Variants in AUTS2 observed in about 807,000 individuals in gnomAD.
The protein encoded by AUTS2 is activator of transcription and developmental regulator AUTS2.
A neutral mutation model predicts 112.4 loss-of-function variants in AUTS2; 17 were observed. The ratio of observed to expected loss-of-function variants is 0.15; its 90% CI spans 0.10 to 0.23. AUTS2 has a LOEUF of 0.23. Ranked by LOEUF, AUTS2 falls within the 10% of genes least tolerant of loss-of-function variation. AUTS2 has a pLI of 1.00. For synonymous variants in AUTS2, 751 were observed against 702.7 expected, an observed-to-expected ratio of 1.07 and a Z score of -1.09; for missense variants, 1,510 against 1,701.6, an observed-to-expected ratio of 0.89 and a Z score of 1.98.
At chr7:70,640,783 G>T (rs1001887326) in intron 5 of AUTS2, among the ~76,000 whole-genome samples, 1 of 152,166 alleles carries the variant, frequency 6.6e-6, no homozygotes, top group Non-Finnish European at 1.5e-5. Flanking sequence ...GATGTGGGCC[G>T]TAGCACTGCT....
intron 4 of AUTS2, among the ~76,000 whole-genome samples, chr7:70,421,346 A>G (rs761509710): frequency 2.3e-4 from 35 of 151,056 alleles, no homozygotes; most frequent in Non-Finnish European, 5.9e-5. Flanking sequence ...AGTAAAAACT[A>G]CTCCAAAATG....
intron 1 of AUTS2, among the ~76,000 whole-genome samples, chr7:69,695,345 T>A (rs973853436): frequency 3.3e-5 from 5 of 151,910 alleles, no homozygotes; most frequent in Admixed American, 6.6e-5. Flanking sequence ...GAAAAAAAAT[T>A]TTTTTAAAAA....
Position 70,498,665 on chromosome 7 carries a change from G to A in AUTS2, c.690+62884G>A, listed in dbSNP as rs1363287456. On this transcript the variant is annotated intron_variant, in intron 5 of 18. Coordinates refer to ENST00000342771, the MANE Select transcript of AUTS2 (RefSeq NM_015570.4). ...ACTGGAGCCTGTTCAAACTCATTTGGAGAACAGTTGAATTTTTAAAGTGCC... is the reference window on the plus strand; with the variant it reads ...ACTGGAGCCTGTTCAAACTCATTTGAAGAACAGTTGAATTTTTAAAGTGCC... Among the ~76,000 whole-genome samples the A allele has an allele frequency of 2.0e-5, 3 of 152,138 alleles. No individual in the cohort carries two copies. In the South Asian group the frequency reaches 6.2e-4, roughly 32 times the overall value.
At chr7:69,848,888 G>T (rs1470928821) in intron 1 of AUTS2, among the ~76,000 whole-genome samples, 1 of 151,772 alleles carries the variant, frequency 6.6e-6, no homozygotes, top group Non-Finnish European at 1.5e-5. Context: ...CCACCTTTTC[G>T]ACACCCTTGG....
intron 2 of AUTS2, among the ~76,000 whole-genome samples, chr7:70,010,205 G>A (rs1333519860): frequency 6.6e-6 from 1 of 152,000 alleles, no homozygotes; most frequent in Non-Finnish European, 1.5e-5. Flanking sequence ...GAGTGCAGTA[G>A]TGTGGTCACA....
intron 14 of AUTS2, chr7:70,781,400 G>C (rs1474246557): frequency 7.9e-5 from 32 of 404,996 alleles, no homozygotes. Flanking sequence ...CCAAACACTA[G>C]TGTTGTCACT....
chr7:69,605,373 T>G (rs567370532), intron 1 of AUTS2, among the ~76,000 whole-genome samples: 1 of 152,234 alleles, frequency 6.6e-6, no homozygotes, highest in Non-Finnish European at 1.5e-5. Flanking sequence ...TCCCCTTTCC[T>G]GCCTGACATC....
intron 2 of AUTS2, 134 bp downstream of exon 2, chr7:69,899,632 G>C: frequency 1.3e-6 from 1 of 793,192 alleles, no homozygotes; most frequent in Non-Finnish European, 2.0e-6. Context: ...CAACAAAGCT[G>C]TGTGCGTGCC....
intron 1 of AUTS2, among the ~76,000 whole-genome samples, chr7:69,752,688 G>T (rs1448160034): frequency 6.6e-6 from 1 of 152,156 alleles, no homozygotes; most frequent in Non-Finnish European, 1.5e-5. Flanking sequence ...ATGGAAAATT[G>T]TCGAGTTCAT....
At chr7:70,263,191 A>G (rs1787252946) in intron 4 of AUTS2, among the ~76,000 whole-genome samples, 1 of 152,136 alleles carries the variant, frequency 6.6e-6, no homozygotes, top group Admixed American at 6.5e-5. Flanking sequence ...TTAAAGGTTA[A>G]CTGAGTATTT....
chr7:69,902,122 G>T (rs114286430), intron 2 of AUTS2, among the ~76,000 whole-genome samples: 1 of 151,958 alleles, frequency 6.6e-6, no homozygotes, highest in Non-Finnish European at 1.5e-5. Context: ...GACATTTAAA[G>T]GAGAAGGGTA....
At chr7:70,446,169 G>C (rs2130992540) in intron 5 of AUTS2, among the ~76,000 whole-genome samples, 1 of 152,318 alleles carries the variant, frequency 6.6e-6, no homozygotes, top group Admixed American at 6.5e-5. Context: ...AGAGGTCTGG[G>C]TCCATCAGGG....
intron 2 of AUTS2, among the ~76,000 whole-genome samples, chr7:70,114,190 A>G (rs1274459004): frequency 6.6e-6 from 1 of 152,220 alleles, no homozygotes; most frequent in African/African-American, 2.4e-5. Flanking sequence ...GAAGCTTCTC[A>G]CAACAGAGAG....
chr7:70,441,233 A>G (rs375880518), intron 5 of AUTS2, among the ~76,000 whole-genome samples: 4 of 152,274 alleles, frequency 2.6e-5, no homozygotes, highest in African/African-American at 7.2e-5. Context: ...TAGCAGTAGG[A>G]ACAACCACCT....
At chr7:70,501,310 G>C (rs562009933) in intron 5 of AUTS2, among the ~76,000 whole-genome samples, 23 of 152,244 alleles carry the variant, frequency 1.5e-4, no homozygotes, top group African/African-American at 5.5e-4. Context: ...CTGAATGTGG[G>C]GCCAGGAAGA....
chr7:69,840,030 C>A (rs1455603773), intron 1 of AUTS2, among the ~76,000 whole-genome samples: 1 of 152,146 alleles, frequency 6.6e-6, no homozygotes, highest in African/African-American at 2.4e-5. Flanking sequence ...TCACTCTAGA[C>A]CCAGTGAGTC....
At chr7:69,978,137 A>T (rs540923880) in intron 2 of AUTS2, among the ~76,000 whole-genome samples, 1 of 152,292 alleles carries the variant, frequency 6.6e-6, no homozygotes, top group Non-Finnish European at 1.5e-5. Flanking sequence ...TATTATCTTC[A>T]TCTTTCTCCT....
chr7:70,175,085 A>T (rs1382911295), intron 4 of AUTS2, among the ~76,000 whole-genome samples: 19 of 152,234 alleles, frequency 1.2e-4, no homozygotes, highest in Admixed American at 1.1e-3. Context: ...TGCCATTAAG[A>T]ACATTCATGA....
chr7:70,113,576 A>T (rs1317279087), intron 2 of AUTS2, among the ~76,000 whole-genome samples: 1 of 152,230 alleles, frequency 6.6e-6, no homozygotes, highest in African/African-American at 2.4e-5. Context: ...TCCTACAGAA[A>T]AACTCAGCAG....
Sources: allele counts gnomAD v4.1 joint callset (sites outside exome capture counted in the v4.1 genomes callset), GRCh38; gene constraint gnomAD v4.1.1; transcripts MANE v1.5; gene names NCBI Gene and HGNC (gene_info 2026-07-23, HGNC 2026-07-21).